MEIOB: variants seen among roughly 807,000 people sequenced by gnomAD.
MEIOB encodes the protein meiosis-specific with OB domain-containing protein.
MEIOB carries 50 observed loss-of-function variants against 53.1 expected under a neutral mutation model. The observed-to-expected ratio is 0.94, with a 90% CI of 0.75 to 1.19. MEIOB has a LOEUF of 1.19. MEIOB is among the 50% of genes most tolerant of loss of function. MEIOB has a pLI of 0.00. For missense variants in MEIOB, 551 were observed against 550.8 expected (o/e 1.00, Z 0.00); for synonymous variants, 192 against 182.5 (o/e 1.05, Z -0.42).
chr16:1,842,026 AG>A lies in MEIOB; in HGVS notation c.881-54del. The A allele has an allele frequency of 4.0e-6, 5 of 1,245,336 alleles. No homozygotes were observed. In the South Asian group the frequency reaches 1.2e-4, roughly 29 times the overall value. The allele number at this position is 1,245,336 out of a possible 1,614,324, so 77.1% of individuals were successfully genotyped here. A position where few individuals can be genotyped will look rare whatever the true frequency, so the allele number is the denominator to read the frequency against. On this transcript the variant is annotated intron_variant, in intron 10 of 13. Transcript: ENST00000325962. ...CTGTATATATTCTAAAAAATATAAA[AG>A]GTTACATCCGAATGGAAAGCTATGA... is the stretch of plus-strand genomic sequence containing the variant.
At chr16:1,840,949 T>A (rs1596965227) in intron 11 of MEIOB, 1 of 152,204 alleles carries the variant, frequency 6.6e-6, no homozygotes, top group East Asian at 1.9e-4. Flanking sequence ...ATATTACACA[T>A]TTCTTGCCAA....
At chr16:1,868,049 G>T in intron 2 of MEIOB, 58 bp downstream of exon 2, 1 of 883,520 alleles carries the variant, frequency 1.1e-6, no homozygotes, top group Non-Finnish European at 1.8e-6. Flanking sequence ...TAACATTGAT[G>T]TAATGTTATC....
intron 3 of MEIOB, among the ~76,000 whole-genome samples, chr16:1,863,533 C>T (rs912491414): frequency 6.6e-6 from 1 of 151,816 alleles, no homozygotes; most frequent in African/African-American, 2.4e-5. Flanking sequence ...ACTACAGGCG[C>T]CTGCCACCAT....
rs778534166 is a variant in MEIOB at position 1,852,098 on chromosome 16, G to A, written c.778+941C>T. On this transcript the variant is annotated intron_variant, in intron 9 of 13. Coordinates refer to ENST00000325962, the MANE Select transcript of MEIOB (RefSeq NM_001163560.3). ...ACTACACAGAGAGTACTGTGTGCAC[G>A]CATGCATGTGTTATCAATGTCCTAG... Among the ~76,000 whole-genome samples the A allele has an allele frequency of 4.6e-5, 7 of 152,226 alleles. No homozygotes were observed. In the East Asian group the frequency reaches 1.2e-3, roughly 25 times the overall value.
intron 6 of MEIOB, among the ~76,000 whole-genome samples, chr16:1,856,512 G>A (rs571389877): frequency 6.6e-6 from 1 of 152,180 alleles, no homozygotes; most frequent in East Asian, 1.9e-4. Context: ...GTAGAGACGG[G>A]GTTTCACCGT....
intron 9 of MEIOB, among the ~76,000 whole-genome samples, chr16:1,849,574 T>TGATAGATG (rs1255633072): frequency 6.7e-6 from 1 of 148,766 alleles, no homozygotes; most frequent in Non-Finnish European, 1.5e-5. Flanking sequence ...GATGACAGGT[T>TGATAGATG]GATAGATGTA....
intron 6 of MEIOB, among the ~76,000 whole-genome samples, chr16:1,857,233 C>T (rs1459623783): frequency 6.6e-6 from 1 of 152,174 alleles, no homozygotes; most frequent in East Asian, 1.9e-4. Context: ...GGAGGGCCAT[C>T]CTCCCGTGCA....
intron 9 of MEIOB, among the ~76,000 whole-genome samples, chr16:1,850,946 T>A (rs1448619624): frequency 2.0e-5 from 3 of 151,912 alleles, no homozygotes; most frequent in Non-Finnish European, 2.9e-5. Context: ...TAAAATTAAA[T>A]TAAAATAAAT....
At chr16:1,862,225 T>C (rs2150822381) in intron 3 of MEIOB, 109 bp from the exon 4 acceptor site, 16 of 814,902 alleles carry the variant, frequency 2.0e-5, no homozygotes, top group Non-Finnish European at 2.8e-5. Context: ...AACAAATGAT[T>C]ATTTGTTTAA....
rs78012778 is a variant in MEIOB at position 1,863,606 on chromosome 16, G to A, written c.128-1490C>T. On this transcript the variant is annotated intron_variant, in intron 3 of 13. Transcript: ENST00000325962. ...TCACCATGTTGGCCATGCTGGTCTC[G>A]AACTCCTGACCTCGTGATCTGCCTG... Among the ~76,000 whole-genome samples, 754 of 151,740 alleles carry A rather than the reference G, an allele frequency of 5.0e-3. 22 individuals carry two copies. The East Asian group carries it at 0.091, about 18-fold the overall frequency.
intron 9 of MEIOB, among the ~76,000 whole-genome samples, chr16:1,847,954 T>C (rs975570820): frequency 2.0e-5 from 3 of 152,114 alleles, no homozygotes; most frequent in African/African-American, 7.2e-5. Flanking sequence ...TTTATTATTA[T>C]TATTATTTTT....
At chr16:1,859,551 AAAAAAT>A (rs1327602980) in intron 5 of MEIOB, among the ~76,000 whole-genome samples, 2 of 152,204 alleles carry the variant, frequency 1.3e-5, no homozygotes, top group Non-Finnish European at 2.9e-5. Flanking sequence ...AGTAAAAAAT[AAAAAAT>A]AAAAATAAAA....
intron 9 of MEIOB, among the ~76,000 whole-genome samples, chr16:1,849,202 C>T (rs567087998): frequency 2.0e-5 from 3 of 152,106 alleles, no homozygotes; most frequent in Admixed American, 6.5e-5. Context: ...GGGTGGATCA[C>T]GAGGTCAAGA....
At chr16:1,841,061 G>T (rs1180480355) in intron 11 of MEIOB, 1 of 134,554 alleles carries the variant, frequency 7.4e-6, no homozygotes, top group Admixed American at 8.6e-5. Flanking sequence ...TTCTCGCCCA[G>T]GCTGGAGTGC....
intron 13 of MEIOB, among the ~76,000 whole-genome samples, chr16:1,836,814 C>T (rs1464029573): frequency 6.6e-6 from 1 of 152,144 alleles, no homozygotes. Flanking sequence ...TCCATGATAC[C>T]ATTAGTCTGA....
At chr16:1,854,242 G>C in intron 6 of MEIOB, 42 bp from the exon 7 acceptor site, 1 of 1,133,412 alleles carries the variant, frequency 8.8e-7, no homozygotes. Context: ...CCTATATGTA[G>C]AAGTTCTTAA....
chr16:1,868,622 G>A (rs1038689548), intron 1 of MEIOB, among the ~76,000 whole-genome samples: 102 of 152,244 alleles, frequency 6.7e-4, no homozygotes, highest in Middle Eastern at 6.8e-3. Flanking sequence ...TTTGGAGGCC[G>A]AGGAGGGCGG....
chr16:1,857,844 A>T lies in MEIOB; in HGVS notation c.419T>A (p.Ile140Lys). 1 of 1,551,124 alleles carries T rather than the reference A, an allele frequency of 6.4e-7. No homozygotes were observed. The highest frequency in any genetic ancestry group is 2.0e-5 in the Admixed American group (1 of 50,984). Residue 140 changes from isoleucine to lysine, a missense_variant, in exon 6 of 14, where the codon ATA becomes AAA. Transcript: ENST00000325962. ...ATGAGACTCTTTAACAGGTAAATGT[A>T]TCAAAGAAAGTAACTTTGTGTCCAC... is the stretch of plus-strand genomic sequence containing the variant. The part of the protein sequence containing the change: ...YEVDTKLLSL[I>K]HLPVKESHDY...
rs1246055596 is a variant in MEIOB, at chr16:1,871,997, G to C, written c.-14C>G. ...GCCGTCCACGCCGCTGCTTACCCGAGGCTCGCCCGGCCGGCTGCTCCCCGG... is the reference window on the plus strand; with the variant it reads ...GCCGTCCACGCCGCTGCTTACCCGACGCTCGCCCGGCCGGCTGCTCCCCGG... On this transcript the variant is annotated 5_prime_UTR_variant, in exon 1 of 14. Transcript: ENST00000325962. 1 of 149,340 alleles carries C rather than the reference G, an allele frequency of 6.7e-6. No individual in the cohort carries two copies. Among genetic ancestry groups the C allele is most frequent in the Non-Finnish European group, 1.5e-5 (1 of 67,128 alleles). The allele number at this position is 149,340 out of a possible 1,614,324, so 9.3% of individuals were successfully genotyped here.
Sources: gnomAD v4.1 joint callset for allele counts (sites outside exome capture counted in the v4.1 genomes callset) on GRCh38, gnomAD v4.1.1 for gene constraint, MANE v1.5 for transcripts, NCBI Gene and HGNC (gene_info 2026-07-23, HGNC 2026-07-21) for gene names.